The following NIPAL2 variants were observed in gnomAD, a reference collection of about 807,000 sequenced individuals.
NIPAL2 encodes the protein NIPA like domain containing 2.
A neutral mutation model predicts 48.9 loss-of-function variants in NIPAL2; 43 were observed. The observed-to-expected ratio is 0.88, with a 90% CI of 0.69 to 1.13. NIPAL2 has a LOEUF of 1.13. Among genes scored for constraint, NIPAL2 ranks in the 50% most tolerant of loss-of-function variants. The pLI is 0.00. For missense variants in NIPAL2, 446 were observed against 461.4 expected (o/e 0.97, Z 0.31); for synonymous variants, 167 against 174.6 (o/e 0.96, Z 0.34).
chr8:98,214,283 A>C (rs10093356), intron 5 of NIPAL2, among the ~76,000 whole-genome samples: 63,109 of 151,282 alleles, frequency 0.42, 13,495 homozygotes, highest in South Asian at 0.53. Context: ...CTTGCCTCAA[A>C]CTTCCAAGTA....
chr8:98,210,752 GAT>G (rs1433792596), intron 6 of NIPAL2, among the ~76,000 whole-genome samples: 6 of 152,088 alleles, frequency 3.9e-5, no homozygotes, highest in Non-Finnish European at 8.8e-5. Flanking sequence ...TTGCATATTG[GAT>G]ATGATATTTT....
intron 1 of NIPAL2, among the ~76,000 whole-genome samples, chr8:98,287,377 ACT>A (rs1427737802): frequency 6.6e-6 from 1 of 152,150 alleles, no homozygotes; most frequent in Non-Finnish European, 1.5e-5. Context: ...TTAGAAAATG[ACT>A]CTCATTAGGA....
rs765349889 is a variant in NIPAL2 at position 98,293,980 on chromosome 8, G to A, written c.135+23C>T. On this transcript the variant is annotated intron_variant, in intron 1 of 10. Transcript: ENST00000430223. ...CCTGGCCGCGTCCCCACCGGGCTGC[G>A]GTGGCTGCGGGGCGGCCCTTACCTG... is the stretch of plus-strand genomic sequence containing the variant. 53 of 1,436,254 alleles carry A rather than the reference G, an allele frequency of 3.7e-5. No individual in the cohort carries two copies. In the African/African-American group the frequency reaches 6.6e-4, roughly 18 times the overall value. The allele number at this position is 1,436,254 out of a possible 1,614,324, so 89.0% of individuals were successfully genotyped here.
chr8:98,291,617 A>G (rs374123967), intron 1 of NIPAL2, among the ~76,000 whole-genome samples: 28 of 152,344 alleles, frequency 1.8e-4, no homozygotes, highest in African/African-American at 6.5e-4. Flanking sequence ...ATATCCCTGT[A>G]GTGCTTTGTA....
chr8:98,252,973 A>G (rs1399789988), intron 2 of NIPAL2, among the ~76,000 whole-genome samples: 1 of 151,898 alleles, frequency 6.6e-6, no homozygotes, highest in Admixed American at 6.6e-5. Flanking sequence ...GCAGGATGAA[A>G]TCTCTTGCTG....
At chr8:98,252,669 T>A in intron 2 of NIPAL2, 35 bp from the exon 3 acceptor site, 1 of 1,583,216 alleles carries the variant, frequency 6.3e-7, no homozygotes, top group Non-Finnish European at 8.6e-7. Context: ...AAGAAAACAT[T>A]CTGAGCTATG....
intron 3 of NIPAL2, 104 bp downstream of exon 3, chr8:98,252,359 G>A: frequency 9.2e-7 from 1 of 1,092,342 alleles, no homozygotes; most frequent in Non-Finnish European, 1.3e-6. Flanking sequence ...AAGAAACCAG[G>A]CAATAGACTT....
intron 1 of NIPAL2, among the ~76,000 whole-genome samples, chr8:98,271,630 C>T (rs191229082): frequency 6.6e-6 from 1 of 152,158 alleles, no homozygotes; most frequent in East Asian, 1.9e-4. Context: ...AGAGTCATAT[C>T]GTCAGTGAAG....
At chr8:98,272,909 G>T (rs76975935) in intron 1 of NIPAL2, among the ~76,000 whole-genome samples, 1 of 152,188 alleles carries the variant, frequency 6.6e-6, no homozygotes, top group East Asian at 1.9e-4. Flanking sequence ...TTTCAATAAT[G>T]CTCAATATCA....
intron 3 of NIPAL2, among the ~76,000 whole-genome samples, chr8:98,242,488 A>ATTTTGTTTTT (rs1813039247): frequency 2.5e-5 from 3 of 117,768 alleles, no homozygotes; most frequent in Non-Finnish European, 5.1e-5. Context: ...CACCTGACAG[A>ATTTTGTTTTT]TTTTTTTTTT....
chr8:98,242,425 G>A (rs1813034416), intron 3 of NIPAL2, among the ~76,000 whole-genome samples: 1 of 148,054 alleles, frequency 6.8e-6, no homozygotes, highest in African/African-American at 2.5e-5. Flanking sequence ...GGGCTCAATT[G>A]ATTCTCCTAC....
chr8:98,292,571 C>T (rs1816542163), intron 1 of NIPAL2, among the ~76,000 whole-genome samples: 1 of 152,142 alleles, frequency 6.6e-6, no homozygotes, highest in South Asian at 2.1e-4. Context: ...TATTTATTTG[C>T]CTCACATTTA....
At chr8:98,287,550 T>C (rs1444170967) in intron 1 of NIPAL2, among the ~76,000 whole-genome samples, 1 of 152,212 alleles carries the variant, frequency 6.6e-6, no homozygotes, top group African/African-American at 2.4e-5. Context: ...AGTCCAAAAA[T>C]TACTGATTAT....
chr8:98,198,377 A>G (rs980557668), intron 8 of NIPAL2, among the ~76,000 whole-genome samples: 6 of 152,214 alleles, frequency 3.9e-5, no homozygotes, highest in African/African-American at 1.2e-4. Flanking sequence ...TAAGGGCCCT[A>G]TGGTTTTCAG....
intron 5 of NIPAL2, among the ~76,000 whole-genome samples, chr8:98,218,018 T>C (rs1383714859): frequency 2.0e-5 from 3 of 152,260 alleles, no homozygotes; most frequent in Admixed American, 6.5e-5. Flanking sequence ...TTAATCTCAG[T>C]ACTTTTTGTG....
chr8:98,252,358 G>T, intron 3 of NIPAL2, 105 bp downstream of exon 3: 1 of 1,090,142 alleles, frequency 9.2e-7, no homozygotes, highest in Non-Finnish European at 1.3e-6. Context: ...TAAGAAACCA[G>T]GCAATAGACT....
Position 98,194,782 on chromosome 8 carries a change from T to C in NIPAL2, c.985A>G (p.Asn329Asp), listed in dbSNP as rs1158813102. The C allele has an allele frequency of 1.9e-6, 3 of 1,576,674 alleles. No homozygotes were observed. In the African/African-American group the frequency reaches 4.1e-5, roughly 22 times the overall value. The change falls in exon 10 of 11, where the codon AAT becomes GAT. Residue 329 changes from asparagine to aspartate, a missense_variant. Physicochemically the swap from Asn to Asp is conservative, Grantham distance 23 (BLOSUM62 1). Coordinates refer to ENST00000430223, the MANE Select transcript of NIPAL2 (RefSeq NM_001321635.2). ...TGTTGCAGATGTTCCTTTTCTCGAT[T>C]TCTTGTGACCAAAAATACACCAAGG... ...SFLGVFLVTR[N>D]REKEHLQQSY... is the part of the protein sequence containing the mutation.
At position 98,264,887 on chromosome 8, in the gene NIPAL2, C is replaced by A. The variant is rs1376384559; in HGVS notation, c.136-10800G>T. Among the ~76,000 whole-genome samples, 475 of 151,592 alleles carry A rather than the reference C, an allele frequency of 3.1e-3. 2 individuals carry two copies. The highest frequency in any genetic ancestry group is 0.01 in the Middle Eastern group (3 of 292). On this transcript the variant is annotated intron_variant, in intron 1 of 10. Transcript: ENST00000430223. Reference sequence around the variant, plus strand: ...ACTACCTGACTTCAAACTATACTACCAGGCTACAGTAACCAAAACAGCATG... The same window carrying A: ...ACTACCTGACTTCAAACTATACTACAAGGCTACAGTAACCAAAACAGCATG...
chr8:98,234,296 A>G (rs1298065570), intron 4 of NIPAL2, among the ~76,000 whole-genome samples: 6 of 152,224 alleles, frequency 3.9e-5, no homozygotes, highest in Non-Finnish European at 8.8e-5. Flanking sequence ...TGGACTATAA[A>G]TTACTTGTGG....
Sources: gnomAD v4.1 joint callset for allele counts (sites outside exome capture counted in the v4.1 genomes callset) on GRCh38, gnomAD v4.1.1 for gene constraint, MANE v1.5 for transcripts, NCBI Gene and HGNC (gene_info 2026-07-23, HGNC 2026-07-21) for gene names.